Variants in TBCEL observed in about 807,000 individuals in gnomAD.
TBCEL encodes tubulin-specific chaperone cofactor E-like protein.
In TBCEL, 15 loss-of-function variants were observed where a neutral mutation model predicts 44.2. That is an observed-to-expected ratio of 0.34 (90% CI 0.23 to 0.52). The LOEUF (loss-of-function observed/expected upper bound fraction) is 0.52, where lower values mean the gene tolerates loss of function less well. Ranked by LOEUF, TBCEL falls within the 20% of genes least tolerant of loss-of-function variation. TBCEL has a pLI of 0.95. For missense variants in TBCEL, 319 were observed against 506.3 expected (o/e 0.63, Z 3.55); for synonymous variants, 171 against 185.4 (o/e 0.92, Z 0.63).
chr11:121,060,604 A>G (rs1945704339), intron 8 of TBCEL, among the ~76,000 whole-genome samples: 1 of 152,100 alleles, frequency 6.6e-6, no homozygotes, highest in Admixed American at 6.5e-5. Flanking sequence ...CTAAATTAGT[A>G]AATATCTTTA....
intron 2 of TBCEL, among the ~76,000 whole-genome samples, chr11:121,040,806 A>G (rs778564206): frequency 3.3e-5 from 5 of 152,174 alleles, no homozygotes; most frequent in Non-Finnish European, 5.9e-5. Flanking sequence ...ATGTATGCAC[A>G]TGGTGAATTC....
rs528560793 is a variant in TBCEL, at chr11:121,058,225, T to A, written c.713-120T>A. On this transcript the variant is annotated intron_variant, in intron 6 of 8. Coordinates refer to ENST00000683345, the MANE Select transcript of TBCEL (RefSeq NM_001363644.2). ...TTGGATGAAGAAAACTTTCAGACCGTTTAGTTTATGATCATTTTAACATTT... is the reference window on the plus strand; with the variant it reads ...TTGGATGAAGAAAACTTTCAGACCGATTAGTTTATGATCATTTTAACATTT... The A allele has an allele frequency of 1.1e-5, 14 of 1,250,402 alleles. No homozygotes were observed. In the African/African-American group the frequency reaches 2.1e-4, roughly 19 times the overall value. 77.5% of individuals were successfully genotyped at this position (1,250,402 alleles called of 1,614,324 possible).
At chr11:121,076,180 T>C (rs1278712323) in intron 8 of TBCEL, among the ~76,000 whole-genome samples, 1 of 151,942 alleles carries the variant, frequency 6.6e-6, no homozygotes, top group Non-Finnish European at 1.5e-5. Context: ...TTGCCTTACA[T>C]ATAAATATTA....
intron 2 of TBCEL, among the ~76,000 whole-genome samples, chr11:121,044,301 A>G (rs74730395): frequency 0.014 from 2,078 of 152,066 alleles, 40 homozygotes; most frequent in African/African-American, 0.048. Flanking sequence ...TCGTTGTTGT[A>G]TTCCCTTCCT....
intron 8 of TBCEL, among the ~76,000 whole-genome samples, chr11:121,063,742 A>C (rs1199441896): frequency 6.6e-6 from 1 of 152,062 alleles, no homozygotes; most frequent in Admixed American, 6.5e-5. Context: ...CTTCGCTTGC[A>C]CCTAACTTTG....
intron 8 of TBCEL, among the ~76,000 whole-genome samples, chr11:121,070,521 C>A (rs1203524024): frequency 6.6e-6 from 1 of 152,082 alleles, no homozygotes; most frequent in Non-Finnish European, 1.5e-5. Flanking sequence ...TACTATGCAG[C>A]CATAAAAAAG....
chr11:121,078,641 A>G (rs923615924), intron 8 of TBCEL, among the ~76,000 whole-genome samples: 3 of 151,740 alleles, frequency 2.0e-5, no homozygotes, highest in African/African-American at 7.3e-5. Context: ...GCCTCTCATC[A>G]CTCAATTCTA....
intron 1 of TBCEL, among the ~76,000 whole-genome samples, chr11:121,029,982 A>G (rs947090643): frequency 1.3e-5 from 2 of 152,168 alleles, no homozygotes; most frequent in Admixed American, 1.3e-4. Context: ...CAAACACTGA[A>G]CTAACGGATT....
At chr11:121,076,764 C>T (rs760954318) in intron 8 of TBCEL, among the ~76,000 whole-genome samples, 3 of 152,008 alleles carry the variant, frequency 2.0e-5, no homozygotes, top group Non-Finnish European at 4.4e-5. Flanking sequence ...TCATTCATTA[C>T]ACCACTAAAA....
chr11:121,048,062 A>C (rs2134928141), intron 4 of TBCEL, among the ~76,000 whole-genome samples: 1 of 151,772 alleles, frequency 6.6e-6, no homozygotes, highest in South Asian at 2.1e-4. Flanking sequence ...TGTTTTCATC[A>C]ATCACTAAGG....
chr11:121,071,151 T>C (rs1945923445), intron 8 of TBCEL, among the ~76,000 whole-genome samples: 2 of 152,214 alleles, frequency 1.3e-5, no homozygotes, highest in Non-Finnish European at 2.9e-5. Flanking sequence ...CTTGATCAGA[T>C]GTCTATCCAC....
At chr11:121,077,489 A>G (rs1011244026) in intron 8 of TBCEL, among the ~76,000 whole-genome samples, 6 of 152,218 alleles carry the variant, frequency 3.9e-5, no homozygotes, top group East Asian at 3.9e-4. Flanking sequence ...GTTCCCTCTT[A>G]TAGTGCCAAT....
intron 8 of TBCEL, among the ~76,000 whole-genome samples, chr11:121,063,303 T>A (rs920985555): frequency 6.6e-6 from 1 of 152,214 alleles, no homozygotes; most frequent in Non-Finnish European, 1.5e-5. Flanking sequence ...TACTGTCTTC[T>A]ACTAGGACTC....
At chr11:121,067,597 A>G (rs1005184411) in intron 8 of TBCEL, among the ~76,000 whole-genome samples, 9 of 152,172 alleles carry the variant, frequency 5.9e-5, no homozygotes, top group Admixed American at 5.9e-4. Context: ...TTTGACCATC[A>G]TACTGTTTGC....
chr11:121,070,830 T>TG (rs1945916035), intron 8 of TBCEL, among the ~76,000 whole-genome samples: 1 of 133,254 alleles, frequency 7.5e-6, no homozygotes, highest in Admixed American at 7.4e-5. Flanking sequence ...GACCTTAAAG[T>TG]ATTTAAAAAA....
chr11:121,057,908 C>T (rs979232278), intron 6 of TBCEL, among the ~76,000 whole-genome samples: 3 of 151,756 alleles, frequency 2.0e-5, no homozygotes, highest in African/African-American at 7.3e-5. Context: ...TAGAATTTTT[C>T]AGGTAAAAAT....
At chr11:121,079,130 T>C (rs1176231330) in intron 8 of TBCEL, among the ~76,000 whole-genome samples, 18 of 152,222 alleles carry the variant, frequency 1.2e-4, no homozygotes, top group Admixed American at 1.2e-3. Context: ...CAAGATACTT[T>C]GCTATATGTG....
intron 8 of TBCEL, among the ~76,000 whole-genome samples, chr11:121,074,066 T>C (rs918581318): frequency 3.3e-5 from 5 of 151,984 alleles, no homozygotes; most frequent in African/African-American, 1.2e-4. Flanking sequence ...TTGAATTGAG[T>C]TCGTGATTTC....
Position 121,045,147 on chromosome 11 carries a change from CTGCCACAGAATACTTGGTTTCTAGCCCA to C in TBCEL, c.-17-524_-17-497del, listed in dbSNP as rs1281889671. ...ATCTTTTAACGATGATTCTTAGAAGCTGCCACAGAATACTTGGTTTCTAGCCCATGAGCTAGAACTTAGCCAGCACTCA... is the reference window on the plus strand; with the variant it reads ...ATCTTTTAACGATGATTCTTAGAAGCTGAGCTAGAACTTAGCCAGCACTCA... On this transcript the variant is annotated intron_variant, in intron 2 of 8. Transcript: ENST00000683345. Among the ~76,000 whole-genome samples, 7 of 152,132 alleles carry C rather than the reference CTGCCACAGAATACTTGGTTTCTAGCCCA, an allele frequency of 4.6e-5. 1 individual carries two copies. In the South Asian group the frequency reaches 1.0e-3, roughly 23 times the overall value.
Sources: gnomAD v4.1 joint callset for allele counts (sites outside exome capture counted in the v4.1 genomes callset) on GRCh38, gnomAD v4.1.1 for gene constraint, MANE v1.5 for transcripts, NCBI Gene and HGNC (gene_info 2026-07-23, HGNC 2026-07-21) for gene names.